MEAF6: variants seen among roughly 807,000 people sequenced by gnomAD.
MEAF6 encodes MYST/Esa1 associated factor 6.
A neutral mutation model predicts 28.9 loss-of-function variants in MEAF6; 15 were observed. The observed-to-expected ratio is 0.52, with a 90% CI of 0.35 to 0.80. The LOEUF (loss-of-function observed/expected upper bound fraction) is 0.80, where lower values mean the gene tolerates loss of function less well. Ranked by LOEUF, MEAF6 falls within the 30% of genes least tolerant of loss-of-function variation. MEAF6 has a pLI of 0.01. For missense variants in MEAF6, 178 were observed against 237.5 expected (o/e 0.75, Z 1.65); for synonymous variants, 97 against 88.7 (o/e 1.09, Z -0.53).
Position 37,493,102 on chromosome 1 carries a change from C to T in MEAF6, c.*997G>A, listed in dbSNP as rs1457975829. On this transcript the variant is annotated 3_prime_UTR_variant, in exon 7 of 7. Coordinates refer to ENST00000296214, the MANE Select transcript of MEAF6 (RefSeq NM_001270875.3). Reference sequence around the variant, plus strand: ...TGGGCAACACTGGCTCTCACTGATGCTATCCTTTCACTCCACTTAAGAACG... The same window carrying T: ...TGGGCAACACTGGCTCTCACTGATGTTATCCTTTCACTCCACTTAAGAACG... The T allele has an allele frequency of 6.6e-6, 1 of 152,240 alleles. No individual in the cohort carries two copies. The highest frequency in any genetic ancestry group is 2.4e-5 in the African/African-American group (1 of 41,446). The allele number at this position is 152,240 out of a possible 1,614,324, so 9.4% of individuals were successfully genotyped here.
At chr1:37,513,382 A>T in intron 2 of MEAF6, 41 bp downstream of exon 2, 1 of 1,504,704 alleles carries the variant, frequency 6.6e-7, no homozygotes, top group South Asian at 1.1e-5. Flanking sequence ...AACAAACGTT[A>T]CTAGGGCACA....
At chr1:37,505,862 C>T (rs1234936158) in intron 4 of MEAF6, among the ~76,000 whole-genome samples, 1 of 152,178 alleles carries the variant, frequency 6.6e-6, no homozygotes, top group African/African-American at 2.4e-5. Flanking sequence ...ACAAATGGTG[C>T]TGGAACAACT....
In MEAF6 at chr1:37,514,766, C is replaced by T. The variant is rs750416516; in HGVS notation, c.-20G>A. ...CGCCATGTTGGGCTGAGGCGGGCGG[C>T]GGCGGCGCGAGGTTGGGGGCGGTCC... On this transcript the variant is annotated 5_prime_UTR_variant, in exon 1 of 7. Transcript: ENST00000296214. The T allele has an allele frequency of 3.7e-6, 5 of 1,364,482 alleles. No homozygotes were observed. The highest frequency in any genetic ancestry group is 1.5e-5 in the African/African-American group (1 of 64,974). The allele number at this position is 1,364,482 out of a possible 1,614,324, so 84.5% of individuals were successfully genotyped here. A position where few individuals can be genotyped will look rare whatever the true frequency, so the allele number is the denominator to read the frequency against.
At position 37,490,049 on chromosome 1, in the gene MEAF6, ATTGATGTATAT is replaced by A. The variant is rs1017473039; in HGVS notation, c.*4039_*4049del. 6.6e-6 allele frequency among the ~76,000 whole-genome samples: 1 copy of A among 152,322 alleles called. No homozygotes were observed. Among genetic ancestry groups the A allele is most frequent in the African/African-American group, 2.4e-5 (1 of 41,564 alleles). On this transcript the variant is annotated 3_prime_UTR_variant, in exon 7 of 7. Transcript: ENST00000296214. The stretch of plus-strand genomic sequence containing the variant: ...GACCTACATGTACTAATGAACTAAT[ATTGATGTATAT>A]TTGATGTATATATATAAAATACATC...
At chr1:37,505,478 GA>G (rs1328224231) in intron 4 of MEAF6, among the ~76,000 whole-genome samples, 2 of 152,188 alleles carry the variant, frequency 1.3e-5, no homozygotes, top group African/African-American at 4.8e-5. Context: ...AACACTGTGA[GA>G]TTTTTTTGTG....
rs1304478553 is a variant in MEAF6 at position 37,498,706 on chromosome 1, C to T, written c.534-2788G>A. On this transcript the variant is annotated intron_variant, in intron 5 of 6. Transcript: ENST00000296214. ...TCAGCCTCCCAAATTGCTGGAATTA[C>T]AGGTATGAGCCACAGCACCTGGCCA... Among the ~76,000 whole-genome samples, 4 of 151,042 alleles carry T rather than the reference C, an allele frequency of 2.6e-5. No homozygotes were observed. The Admixed American group carries it at 2.7e-4, about 10-fold the overall frequency.
At chr1:37,513,157 T>C (rs1422877227) in intron 2 of MEAF6, among the ~76,000 whole-genome samples, 1 of 152,156 alleles carries the variant, frequency 6.6e-6, no homozygotes, top group African/African-American at 2.4e-5. Flanking sequence ...GTGTAAAAAA[T>C]TTAATAGAAT....
intron 5 of MEAF6, chr1:37,496,585 G>T: frequency 1.4e-6 from 2 of 1,467,362 alleles, no homozygotes; most frequent in South Asian, 1.4e-5. Context: ...AAACTTCCCA[G>T]CCTAACCTAA....
intron 4 of MEAF6, among the ~76,000 whole-genome samples, chr1:37,507,662 T>G (rs759085716): frequency 7.9e-5 from 12 of 151,848 alleles, no homozygotes; most frequent in Non-Finnish European, 1.0e-4. Context: ...TTTGAGTGAT[T>G]ATGAGTGGAA....
At position 37,490,770 on chromosome 1, in the gene MEAF6, T is replaced by C. The variant is rs557975834; in HGVS notation, c.*3329A>G. ...GGCCGGGTGCAGTGGCTCACGCCTGTAATCCTAGCACTTTGGGAGGCTGAG... is the reference window on the plus strand; with the variant it reads ...GGCCGGGTGCAGTGGCTCACGCCTGCAATCCTAGCACTTTGGGAGGCTGAG... On this transcript the variant is annotated 3_prime_UTR_variant, in exon 7 of 7. Transcript: ENST00000296214. Among the ~76,000 whole-genome samples the C allele has an allele frequency of 6.6e-6, 1 of 152,328 alleles. No individual in the cohort carries two copies. The highest frequency in any genetic ancestry group is 1.9e-4 in the East Asian group (1 of 5,180).
rs1252991767 is a variant in MEAF6 at position 37,510,332 on chromosome 1, C to T, written c.207-790G>A. ...TCCTGACCTCATGATCTGCCCACCT[C>T]AGCCTACCAAAGTGCTGGGATTACA... On this transcript the variant is annotated intron_variant, in intron 2 of 6. Coordinates refer to ENST00000296214, the MANE Select transcript of MEAF6 (RefSeq NM_001270875.3). 3.3e-5 allele frequency among the ~76,000 whole-genome samples: 5 copies of T among 151,184 alleles called. No individual in the cohort carries two copies. The East Asian group carries it at 7.7e-4, about 23-fold the overall frequency.
chr1:37,504,206 G>C (rs1247625594), intron 4 of MEAF6, among the ~76,000 whole-genome samples: 1 of 152,170 alleles, frequency 6.6e-6, no homozygotes, highest in Non-Finnish European at 1.5e-5. Context: ...GAAGGTGCTT[G>C]CTTCCCCTTC....
chr1:37,494,261 A>G (rs1354881234), intron 6 of MEAF6, among the ~76,000 whole-genome samples, 154 bp from the exon 7 acceptor site: 1 of 152,168 alleles, frequency 6.6e-6, no homozygotes, highest in African/African-American at 2.4e-5. Flanking sequence ...CACACCTGTA[A>G]TCCCAGCACT....
chr1:37,504,571 G>C (rs1283957680), intron 4 of MEAF6, among the ~76,000 whole-genome samples: 1 of 151,776 alleles, frequency 6.6e-6, no homozygotes, highest in Non-Finnish European at 1.5e-5. Flanking sequence ...AGGAGTCGGA[G>C]ACCAGCCTGG....
Position 37,514,701 on chromosome 1 carries a change from G to A in MEAF6, c.46C>T (p.Arg16Trp), listed in dbSNP as rs763575693. ...TTCACGAGCTCCGCCAGCTCCCGCC[G>A]GGTGTCCGGGATCTGCGGCGGCGCC... Reference protein sequence around the residue: ...KAAPPQIPDTRRELAELVKRK... With the variant: ...KAAPPQIPDTWRELAELVKRK... The change falls in exon 1 of 7, where the codon CGG becomes TGG. Residue 16 changes from arginine to tryptophan, a missense_variant. Arg to Trp is a moderately radical substitution (Grantham distance 101). Around this residue, in one of 2 missense-constraint regions of MEAF6, gnomAD observed 54 missense variants for 37.0 expected, o/e 1.46. Transcript: ENST00000296214. 3 of 1,543,154 alleles carry A rather than the reference G, an allele frequency of 1.9e-6. No individual in the cohort carries two copies. The highest frequency in any genetic ancestry group is 2.3e-5 in the South Asian group (2 of 85,514).
chr1:37,495,693 AAAAC>A (rs1642100522), intron 6 of MEAF6, among the ~76,000 whole-genome samples, 188 bp downstream of exon 6: 3 of 110,326 alleles, frequency 2.7e-5, no homozygotes, highest in East Asian at 2.1e-4. Flanking sequence ...TCAAAAAAAA[AAAAC>A]AAAAAACAAA....
chr1:37,513,471 A>G lies in MEAF6; in HGVS notation c.158T>C (p.Met53Thr). Reference sequence around the variant, plus strand: ...CCAGCCACGAATAATATTGCCATACATCTGAGTGTCTTCCAGGTAGCTTCC... The same window carrying G: ...CCAGCCACGAATAATATTGCCATACGTCTGAGTGTCTTCCAGGTAGCTTCC... ...FEGSYLEDTQ[M>T]YGNIIRGWDR... is the part of the protein sequence containing the mutation. The change falls in exon 2 of 7, where the codon ATG becomes ACG. Residue 53 changes from methionine to threonine, a missense_variant. Physicochemically the swap from Met to Thr is moderately conservative, Grantham distance 81 (BLOSUM62 -1). Transcript: ENST00000296214. 6.2e-7 allele frequency: 1 copy of G among 1,614,230 alleles called. No individual in the cohort carries two copies. The highest frequency in any genetic ancestry group is 8.5e-7 in the Non-Finnish European group (1 of 1,180,032).
Position 37,493,871 on chromosome 1 carries a change from T to C in MEAF6, c.*228A>G, listed in dbSNP as rs891437108. On this transcript the variant is annotated 3_prime_UTR_variant, in exon 7 of 7. Coordinates refer to ENST00000296214, the MANE Select transcript of MEAF6 (RefSeq NM_001270875.3). ...TGCTGGGATTACAACATTGTCTTCA[T>C]CTTCCTGCAGTTCTGTTACTAAAAA... 5.8e-6 allele frequency: 9 copies of C among 1,558,302 alleles called. No individual in the cohort carries two copies. The Admixed American group carries it at 1.9e-4, about 32-fold the overall frequency.
chr1:37,510,434 T>C (rs1642631841), intron 2 of MEAF6, among the ~76,000 whole-genome samples: 1 of 135,156 alleles, frequency 7.4e-6, no homozygotes, highest in Non-Finnish European at 1.5e-5. Context: ...CAGACTGGAG[T>C]GCAGTGGTGC....
Sources: gnomAD v4.1 joint callset for allele counts (sites outside exome capture counted in the v4.1 genomes callset) on GRCh38, gnomAD v4.1.1 for gene constraint, gnomAD v4.1.1 regional missense constraint, MANE v1.5 for transcripts, NCBI Gene and HGNC (gene_info 2026-07-23, HGNC 2026-07-21) for gene names.